PKD1L3: variants seen among roughly 807,000 people sequenced by gnomAD.
PKD1L3 encodes polycystin 1 like 3, transient receptor potential channel interacting.
A neutral mutation model predicts 184.1 loss-of-function variants in PKD1L3; 239 were observed. That is an observed-to-expected ratio of 1.30 (90% CI 1.17 to 1.45). The LOEUF is 1.45. Ranked by LOEUF, PKD1L3 falls within the 40% of genes most tolerant of loss-of-function variation. The pLI, the probability that PKD1L3 is intolerant of heterozygous loss-of-function variation, is 0.00. For missense variants in PKD1L3, 2,660 were observed against 2,067.2 expected (o/e 1.29, Z -5.56); for synonymous variants, 996 against 778.8 (o/e 1.28, Z -4.64).
chr16:71,951,686 C>G lies in PKD1L3; in HGVS notation c.3068G>C (p.Cys1023Ser), dbSNP rs1482870867. ...CCAAGAACTCCATGGCGGCTGCTCA[C>G]ACTTGGAGAGTAGGTATGTATTTCT... ...LRRNTYLLSK[C>S]EQPPWSSWDI... The change falls in exon 19 of 30, where the codon TGT (cysteine) becomes TCT (serine). Residue 1023 changes from cysteine (C) to serine (S), a missense_variant. Coordinates refer to ENST00000620267, the MANE Select transcript of PKD1L3 (RefSeq NM_181536.2). The G allele has an allele frequency of 1.6e-5, 25 of 1,551,576 alleles. No homozygotes were observed. The highest frequency in any genetic ancestry group is 2.2e-5 in the Non-Finnish European group (25 of 1,146,966).
chr16:71,989,855 G>A (rs2040519795), intron 4 of PKD1L3, among the ~76,000 whole-genome samples: 1 of 151,854 alleles, frequency 6.6e-6, no homozygotes, highest in African/African-American at 2.4e-5. Context: ...CAGGTGAATT[G>A]CTTGAGGTCA....
At chr16:71,932,332 A>G (rs2038004002) in intron 28 of PKD1L3, among the ~76,000 whole-genome samples, 1 of 152,068 alleles carries the variant, frequency 6.6e-6, no homozygotes, top group Non-Finnish European at 1.5e-5. Flanking sequence ...TTCCTACTTT[A>G]TATGTTGAGG....
chr16:71,968,289 G>A (rs1330695150), intron 13 of PKD1L3, among the ~76,000 whole-genome samples: 1 of 152,106 alleles, frequency 6.6e-6, no homozygotes, highest in African/African-American at 2.4e-5. Flanking sequence ...TTCCCACTTA[G>A]GTACAGTCAC....
chr16:71,953,963 C>A, intron 17 of PKD1L3, 142 bp downstream of exon 17: 1 of 635,104 alleles, frequency 1.6e-6, no homozygotes, highest in Non-Finnish European at 2.5e-6. Context: ...TGCCTGTAAT[C>A]CTAGCACTTC....
rs576230615 is a variant in PKD1L3 at position 71,993,333 on chromosome 16, C to G, written c.419-1G>C. ...TGGGCATCTCCGTCCAAAAAGTCAC[C>G]TATTTGAAAGCCAACACACAAGTTA... On this transcript the variant is annotated splice_acceptor_variant, in intron 2 of 29. Transcript: ENST00000620267. LOFTEE classifies it high-confidence loss of function. 2 of 1,536,044 alleles carry G rather than the reference C, an allele frequency of 1.3e-6. No homozygotes were observed. The highest frequency in any genetic ancestry group is 8.8e-7 in the Non-Finnish European group (1 of 1,136,332).
chr16:71,937,503 A>C, intron 24 of PKD1L3, 84 bp from the exon 25 acceptor site: 2 of 1,414,882 alleles, frequency 1.4e-6, no homozygotes, highest in Non-Finnish European at 1.9e-6. Flanking sequence ...AATAACCCCA[A>C]CTCTTCCTGT....
intron 6 of PKD1L3, 84 bp downstream of exon 6, chr16:71,983,952 C>T (rs764449357): frequency 1.3e-4 from 202 of 1,499,914 alleles, no homozygotes; most frequent in Non-Finnish European, 1.7e-4. Flanking sequence ...CGTGAGCCAC[C>T]GCACCCAGCC....
intron 15 of PKD1L3, among the ~76,000 whole-genome samples, chr16:71,965,798 C>T (rs950873847): frequency 3.3e-5 from 5 of 151,978 alleles, no homozygotes; most frequent in African/African-American, 4.8e-5. Flanking sequence ...AAGTGATCTG[C>T]CAACCTCGGC....
At chr16:71,983,258 C>T (rs1270621923) in intron 6 of PKD1L3, among the ~76,000 whole-genome samples, 2 of 152,106 alleles carry the variant, frequency 1.3e-5, no homozygotes, top group Non-Finnish European at 2.9e-5. Flanking sequence ...ACCATCCTCC[C>T]ATCTCAGCCT....
intron 16 of PKD1L3, among the ~76,000 whole-genome samples, chr16:71,956,184 A>ATTTTTTTTT (rs35268514): frequency 3.7e-4 from 31 of 82,768 alleles, no homozygotes; most frequent in Admixed American, 7.1e-4. Flanking sequence ...AAAGGAAGGA[A>ATTTTTTTTT]TTTTTTTTTT....
In PKD1L3 at chr16:71,980,143, A is replaced by G. The variant is rs200288525; in HGVS notation, c.1144-9T>C. 7.7e-6 allele frequency: 12 copies of G among 1,551,102 alleles called. No homozygotes were observed. The Admixed American group carries it at 2.0e-4, about 25-fold the overall frequency. On this transcript the variant is annotated splice_polypyrimidine_tract_variant and intron_variant, in intron 7 of 29. Transcript: ENST00000620267. Reference sequence around the variant, plus strand: ...TCCAGGATGTCTTCTACCTGCATGGAAAGGAAAACAGTGTGTGACTTGTAA... The same window carrying G: ...TCCAGGATGTCTTCTACCTGCATGGGAAGGAAAACAGTGTGTGACTTGTAA...
At chr16:71,972,170 C>T (rs989003035) in intron 12 of PKD1L3, among the ~76,000 whole-genome samples, 1 of 151,760 alleles carries the variant, frequency 6.6e-6, no homozygotes. Flanking sequence ...GAGCCAAGAT[C>T]GCGCCACTGC....
chr16:71,944,838 A>G (rs1597293233), intron 22 of PKD1L3, among the ~76,000 whole-genome samples: 1 of 151,932 alleles, frequency 6.6e-6, no homozygotes, highest in South Asian at 2.1e-4. Flanking sequence ...AGCTGGGATT[A>G]CAGGCACATG....
chr16:71,940,568 C>T (rs1360301077), intron 24 of PKD1L3, among the ~76,000 whole-genome samples: 1 of 151,972 alleles, frequency 6.6e-6, no homozygotes, highest in African/African-American at 2.4e-5. Context: ...GGCACGATCT[C>T]AGCTCACTGC....
intron 24 of PKD1L3, among the ~76,000 whole-genome samples, chr16:71,939,595 A>G (rs1488785306): frequency 1.3e-5 from 2 of 152,202 alleles, no homozygotes; most frequent in Non-Finnish European, 2.9e-5. Flanking sequence ...ATATTTTGTT[A>G]GTAACTAAAA....
chr16:71,971,879 G>C (rs925440265), intron 12 of PKD1L3, among the ~76,000 whole-genome samples: 2 of 152,116 alleles, frequency 1.3e-5, no homozygotes, highest in African/African-American at 4.8e-5. Context: ...TCGGGAGTTT[G>C]AGACCAGCCT....
At chr16:71,973,975 C>A (rs1273046959) in intron 11 of PKD1L3, among the ~76,000 whole-genome samples, 1 of 148,446 alleles carries the variant, frequency 6.7e-6, no homozygotes, top group Admixed American at 6.9e-5. Context: ...ATACTCTAGC[C>A]TGGGCAACAG....
chr16:71,991,709 A>T (rs540015825), intron 3 of PKD1L3, among the ~76,000 whole-genome samples: 139 of 152,368 alleles, frequency 9.1e-4, no homozygotes, highest in Admixed American at 2.4e-3. Context: ...TAGAAGTGAT[A>T]CATACGTAGG....
chr16:71,987,051 A>C (rs868612119), intron 4 of PKD1L3, among the ~76,000 whole-genome samples: 1 of 147,758 alleles, frequency 6.8e-6, no homozygotes. Context: ...CAGCCTCCTC[A>C]GTAGCTGGGA....
Sources: gnomAD v4.1 joint callset for allele counts (sites outside exome capture counted in the v4.1 genomes callset) on GRCh38, gnomAD v4.1.1 for gene constraint, MANE v1.5 for transcripts, NCBI Gene and HGNC (gene_info 2026-07-23, HGNC 2026-07-21) for gene names.